PDSS2: variants seen among roughly 807,000 people sequenced by gnomAD.
PDSS2 encodes decaprenyl diphosphate synthase subunit 2.
In PDSS2, 31 loss-of-function variants were observed where a neutral mutation model predicts 44.5. The ratio of observed to expected loss-of-function variants is 0.70; its 90% CI spans 0.52 to 0.94. The LOEUF is 0.94. Among genes scored for constraint, PDSS2 ranks in the 40% least tolerant of loss-of-function variants. The probability of loss-of-function intolerance (pLI) is 0.00; values close to 1 mark genes in which losing one functional copy is unlikely to be tolerated. For missense variants in PDSS2, 452 were observed against 482.2 expected, an observed-to-expected ratio of 0.94 and a Z score of 0.59; for synonymous variants, 157 against 180.3, an observed-to-expected ratio of 0.87 and a Z score of 1.03.
chr6:107,391,092 T>C (rs1278986129), intron 1 of PDSS2, among the ~76,000 whole-genome samples: 1 of 144,342 alleles, frequency 6.9e-6, no homozygotes, highest in African/African-American at 2.6e-5. Context: ...TAAAAGACTT[T>C]TTAATACTTA....
intron 2 of PDSS2, among the ~76,000 whole-genome samples, chr6:107,292,992 A>G (rs996741519): frequency 6.6e-6 from 1 of 152,226 alleles, no homozygotes; most frequent in African/African-American, 2.4e-5. Context: ...CTGTCAGGGC[A>G]GCCCTTGGAG....
At chr6:107,394,680 C>T (rs927395442) in intron 1 of PDSS2, among the ~76,000 whole-genome samples, 3 of 152,122 alleles carry the variant, frequency 2.0e-5, no homozygotes, top group African/African-American at 7.2e-5. Context: ...TATAGTATAA[C>T]CTTTTCTGTA....
intron 1 of PDSS2, among the ~76,000 whole-genome samples, chr6:107,399,681 T>C (rs1206006190): frequency 6.6e-6 from 1 of 152,228 alleles, no homozygotes; most frequent in African/African-American, 2.4e-5. Flanking sequence ...GTTAGAATGT[T>C]TTTGTTTTTC....
intron 2 of PDSS2, among the ~76,000 whole-genome samples, chr6:107,278,158 A>T (rs1315942263): frequency 6.6e-6 from 1 of 152,122 alleles, no homozygotes; most frequent in African/African-American, 2.4e-5. Flanking sequence ...TGTTAAAAAA[A>T]TTAAGAGAAT....
intron 3 of PDSS2, among the ~76,000 whole-genome samples, chr6:107,256,896 A>G (rs1775041525): frequency 6.6e-6 from 1 of 151,734 alleles, no homozygotes; most frequent in African/African-American, 2.4e-5. Context: ...ACAATAATAG[A>G]AGAGGCCAGG....
chr6:107,346,335 G>A (rs190358363), intron 1 of PDSS2, among the ~76,000 whole-genome samples: 1 of 152,190 alleles, frequency 6.6e-6, no homozygotes, highest in African/African-American at 2.4e-5. Flanking sequence ...TTTCTAAGGT[G>A]CCATCTCATC....
intron 1 of PDSS2, among the ~76,000 whole-genome samples, chr6:107,337,198 G>A (rs917952088): frequency 6.6e-6 from 1 of 152,028 alleles, no homozygotes; most frequent in Admixed American, 6.5e-5. Context: ...ATGCTAAGAG[G>A]AGGGTACTAC....
intron 1 of PDSS2, among the ~76,000 whole-genome samples, chr6:107,359,408 A>G (rs1037914439): frequency 1.3e-5 from 2 of 151,818 alleles, no homozygotes; most frequent in African/African-American, 4.8e-5. Context: ...GGATCACTTG[A>G]GGCCAGGAGT....
At chr6:107,274,667 C>CTTTTTTTTTTTTTTTTTTT (rs5878910) in intron 2 of PDSS2, among the ~76,000 whole-genome samples, 6 of 106,558 alleles carry the variant, frequency 5.6e-5, no homozygotes, top group African/African-American at 9.8e-5. Context: ...ATCTCTCTCT[C>CTTTTTTTTTTTTTTTTTTT]TTTTTTTTTT....
chr6:107,303,159 G>A (rs1776752216), intron 2 of PDSS2, among the ~76,000 whole-genome samples: 1 of 152,166 alleles, frequency 6.6e-6, no homozygotes. Flanking sequence ...GAGCAAGGGA[G>A]TGAGTACTAA....
chr6:107,336,210 G>A (rs1344289875), intron 1 of PDSS2, among the ~76,000 whole-genome samples: 11 of 147,798 alleles, frequency 7.4e-5, no homozygotes, highest in Admixed American at 1.4e-4. Flanking sequence ...AATTGAGATC[G>A]AGCCACTGCA....
At chr6:107,193,698 C>A in intron 7 of PDSS2, 124 bp downstream of exon 7, 1 of 741,392 alleles carries the variant, frequency 1.3e-6, no homozygotes, top group South Asian at 1.5e-5. Context: ...TGGCCTGTTA[C>A]TTAACAGGAA....
Position 107,405,841 on chromosome 6 carries a change from C to T in PDSS2, c.296+53149G>A, listed in dbSNP as rs530643371. Among the ~76,000 whole-genome samples, 617 of 138,906 alleles carry T rather than the reference C, an allele frequency of 4.4e-3. 3 individuals carry two copies. The highest frequency in any genetic ancestry group is 0.016 in the African/African-American group (571 of 36,440). 91.1% of individuals were successfully genotyped at this position (138,906 alleles called of 152,430 possible). The stretch of plus-strand genomic sequence containing the variant: ...CAGCCTGGGCGACAGAGCGAGACTC[C>T]GTCTCAAAAAAAAAAAAAAAAAAAA... On this transcript the variant is annotated intron_variant, in intron 1 of 7. Coordinates refer to ENST00000369037, the MANE Select transcript of PDSS2 (RefSeq NM_020381.4).
At chr6:107,160,146 G>A (rs994629738) in intron 7 of PDSS2, among the ~76,000 whole-genome samples, 25 of 152,318 alleles carry the variant, frequency 1.6e-4, no homozygotes, top group African/African-American at 6.0e-4. Context: ...AACTCAGGAA[G>A]TGGAGGTTAC....
At position 107,277,827 on chromosome 6, in the gene PDSS2, CCTGA is replaced by C. The variant is rs1775836937; in HGVS notation, c.432-3604_432-3601del. On this transcript the variant is annotated intron_variant, in intron 2 of 7. Transcript: ENST00000369037. ...AATTAGCCAGGCGTGTTGGCGGGTG[CCTGA>C]CTAATTTTTGGGAGCTACTTGGGAG... 2.0e-5 allele frequency among the ~76,000 whole-genome samples: 3 copies of C among 151,974 alleles called. No homozygotes were observed. In the South Asian group the frequency reaches 6.2e-4, roughly 32 times the overall value.
chr6:107,402,547 A>ATG (rs1433754040), intron 1 of PDSS2, among the ~76,000 whole-genome samples: 2 of 25,556 alleles, frequency 7.8e-5, no homozygotes, highest in African/African-American at 2.1e-4. Context: ...ATATATATAT[A>ATG]TATATAAAAA....
At chr6:107,264,488 C>T (rs1775348277) in intron 3 of PDSS2, 1 of 1,544,462 alleles carries the variant, frequency 6.5e-7, no homozygotes, top group African/African-American at 1.4e-5. Flanking sequence ...TGATATATAG[C>T]AATAGGTCCA....
intron 2 of PDSS2, among the ~76,000 whole-genome samples, chr6:107,321,534 A>G (rs1777381717): frequency 6.6e-6 from 1 of 152,202 alleles, no homozygotes; most frequent in Non-Finnish European, 1.5e-5. Context: ...CTATATGTTC[A>G]TGAGCAGATA....
At chr6:107,442,351 A>G (rs547056318) in intron 1 of PDSS2, among the ~76,000 whole-genome samples, 8 of 152,336 alleles carry the variant, frequency 5.3e-5, no homozygotes, top group African/African-American at 1.9e-4. Flanking sequence ...CAGGAGGCAG[A>G]GGTCGCACTG....
Sources: allele counts gnomAD v4.1 joint callset (sites outside exome capture counted in the v4.1 genomes callset), GRCh38; gene constraint gnomAD v4.1.1; transcripts MANE v1.5; gene names NCBI Gene and HGNC (gene_info 2026-07-23, HGNC 2026-07-21).